TRAK1: variants seen among roughly 807,000 people sequenced by gnomAD.
The protein encoded by TRAK1 is trafficking kinesin protein 1, also known as trafficking kinesin-binding protein 1.
Under a neutral mutation model 92.1 loss-of-function variants are expected in TRAK1, and 33 were observed. That is an observed-to-expected ratio of 0.36 (90% CI 0.27 to 0.48). The LOEUF is 0.48. Among genes scored for constraint, TRAK1 ranks in the 20% least tolerant of loss-of-function variants. The probability of loss-of-function intolerance (pLI) is 0.99; values close to 1 mark genes in which losing one functional copy is unlikely to be tolerated. For missense variants in TRAK1, 1,123 were observed against 1,257.9 expected (o/e 0.89, Z 1.62); for synonymous variants, 521 against 517.3 (o/e 1.01, Z -0.10).
chr3:42,091,479 G>C lies in TRAK1; in HGVS notation c.10G>C (p.Val4Leu). Residue 4 changes from valine (V) to leucine (L), a missense_variant, in exon 1 of 16, where the codon GTT becomes CTT. Val to Leu is a conservative substitution (Grantham distance 32, BLOSUM62 1). Transcript: ENST00000327628. ...GAGTTTATGTCTGCACATGGCATTG[G>C]TTTTTCAATTCGGGCAGCCCGTCAG... MAL[V>L]FQFGQPVRAQ... 6.2e-7 allele frequency: 1 copy of C among 1,613,712 alleles called. No individual in the cohort carries two copies.
chr3:42,223,049 C>G lies in TRAK1; in HGVS notation c.2174C>G (p.Thr725Ser). Residue 725 changes from threonine (T) to serine (S), a missense_variant, in exon 16 of 16, where the codon ACT (threonine) becomes AGT (serine). Transcript: ENST00000327628. The surrounding 1 kb of genome is among the most constrained non-coding windows in gnomAD (Gnocchi z 6.1). ...PRRLSLAESFTNTRESTTTMS... is the reference protein window; with the variant it reads ...PRRLSLAESFSNTRESTTTMS... ...AGACTGAGCCTGGCTGAGTCCTTCA[C>G]TAACACCCGTGAGTCCACGACCACC... 6.2e-7 allele frequency: 1 copy of G among 1,614,134 alleles called. No homozygotes were observed. Among genetic ancestry groups the G allele is most frequent in the Non-Finnish European group, 8.5e-7 (1 of 1,180,028 alleles).
At chr3:42,050,994 A>G (rs1036956690) in intron 1 of TRAK1, among the ~76,000 whole-genome samples, 2 of 152,178 alleles carry the variant, frequency 1.3e-5, no homozygotes, top group Non-Finnish European at 2.9e-5. Flanking sequence ...TTTTATGTGC[A>G]GAAGAGCTCA....
intron 1 of TRAK1, among the ~76,000 whole-genome samples, chr3:42,121,574 G>A (rs1709881506): frequency 6.6e-6 from 1 of 151,922 alleles, no homozygotes; most frequent in Admixed American, 6.6e-5. Flanking sequence ...GGGAATTCTT[G>A]AAGACTCTTC....
chr3:42,177,855 G>T (rs1010925830), intron 3 of TRAK1, among the ~76,000 whole-genome samples: 2 of 152,104 alleles, frequency 1.3e-5, no homozygotes, highest in African/African-American at 2.4e-5. Flanking sequence ...ATCCTCTGAC[G>T]TGGGGAAGTC....
intron 1 of TRAK1, among the ~76,000 whole-genome samples, chr3:42,060,648 A>T (rs1703393733): frequency 7.9e-6 from 1 of 126,648 alleles, no homozygotes; most frequent in Non-Finnish European, 1.6e-5. Context: ...TTTTTTTGAG[A>T]CGGAGTTTTG....
chr3:42,210,403 TAAAAAAA>T (rs10717713), intron 14 of TRAK1: 12 of 1,078,200 alleles, frequency 1.1e-5, no homozygotes, highest in East Asian at 4.7e-5. Context: ...GAAAGGCTGC[TAAAAAAA>T]AAAAAAAAAA....
intron 14 of TRAK1, chr3:42,210,782 G>A (rs9311311): frequency 0.25 from 250,292 of 985,080 alleles, 32,765 homozygotes; most frequent in East Asian, 0.47. Flanking sequence ...TTCGGAGAAC[G>A]TCACTAAGCT....
chr3:42,114,769 A>T (rs530458113), intron 1 of TRAK1, among the ~76,000 whole-genome samples: 1 of 151,864 alleles, frequency 6.6e-6, no homozygotes, highest in Non-Finnish European at 1.5e-5. Context: ...CTGGAGTGCA[A>T]TCGTGCGATC....
chr3:42,143,308 C>CTT (rs369435084), intron 2 of TRAK1, among the ~76,000 whole-genome samples: 55,095 of 138,968 alleles, frequency 0.4, 11,042 homozygotes, highest in East Asian at 0.5. Context: ...TGTACCTCTT[C>CTT]TTTTTTTTTT....
intron 1 of TRAK1, among the ~76,000 whole-genome samples, chr3:42,077,460 TG>T (rs1704212129): frequency 6.6e-6 from 1 of 152,194 alleles, no homozygotes; most frequent in Non-Finnish European, 1.5e-5. Context: ...AGCTAATTTT[TG>T]TATTTTTAGC....
In TRAK1 at chr3:42,202,586, G is replaced by T. The variant is rs1183700633; in HGVS notation, c.1578G>T (p.Glu526Asp). 6.3e-7 allele frequency: 1 copy of T among 1,591,362 alleles called. No homozygotes were observed. Among genetic ancestry groups the T allele is most frequent in the Admixed American group, 1.7e-5 (1 of 59,262 alleles). Residue 526 changes from glutamate (E) to aspartate (D), a missense_variant, in exon 13 of 16, where the codon GAG becomes GAT. Physicochemically the swap from Glu to Asp is conservative, Grantham distance 45 (BLOSUM62 2). Around this residue, in one of 3 missense-constraint regions of TRAK1, gnomAD observed 686 missense variants for 747.6 expected, o/e 0.92. Coordinates refer to ENST00000327628, the MANE Select transcript of TRAK1 (RefSeq NM_001042646.3). This position sits in a 1 kb window ranked among gnomAD's most constrained non-coding sequence, Gnocchi z 6.1. ...FEEEQERKLQELAEKGELRSG... is the reference protein window; with the variant it reads ...FEEEQERKLQDLAEKGELRSG... The stretch of plus-strand genomic sequence containing the variant: ...AGGAGCAAGAGAGGAAGCTCCAGGA[G>T]CTGGCGGAGAAGGGCGAGCTGCGCA...
intron 2 of TRAK1, among the ~76,000 whole-genome samples, chr3:42,134,040 A>G (rs1039014523): frequency 2.6e-5 from 4 of 152,222 alleles, no homozygotes; most frequent in African/African-American, 7.2e-5. Context: ...GAACACACAC[A>G]TGACCATTTT....
intron 1 of TRAK1, among the ~76,000 whole-genome samples, chr3:42,056,688 C>T (rs541637646): frequency 9.2e-5 from 14 of 152,166 alleles, no homozygotes; most frequent in East Asian, 5.8e-4. Flanking sequence ...AAAATTTCCA[C>T]TTTTTAATAT....
In TRAK1 at chr3:42,209,941, C is replaced by T; in HGVS notation, c.1919C>T (p.Pro640Leu). 6.2e-7 allele frequency: 1 copy of T among 1,614,214 alleles called. No individual in the cohort carries two copies. The change falls in exon 14 of 16, where the codon CCA (proline) becomes CTA (leucine). Residue 640 changes from proline (P) to leucine (L), a missense_variant. Pro to Leu is a moderately conservative substitution (Grantham distance 98). Coordinates refer to ENST00000327628, the MANE Select transcript of TRAK1 (RefSeq NM_001042646.3). ...EDDTGDHISL[P>L]RLATSTPVQH... ...GACACAGGTGACCACATTTCTCTCCCACGCCTAGCTACCTCCACTCCAGTT... is the reference window on the plus strand; with the variant it reads ...GACACAGGTGACCACATTTCTCTCCTACGCCTAGCTACCTCCACTCCAGTT...
In TRAK1 at chr3:42,193,806, ATC is replaced by A. The variant is rs1471999784; in HGVS notation, c.901-16_901-15del. ...TACCAAGTATCTTAGGAAGTGATCT[ATC>A]TTTGCCATGCTTTAGTGCGCAGTGG... is the stretch of plus-strand genomic sequence containing the variant. On this transcript the variant is annotated splice_polypyrimidine_tract_variant and intron_variant, in intron 8 of 15. Transcript: ENST00000327628. The A allele has an allele frequency of 1.9e-6, 3 of 1,613,176 alleles. No homozygotes were observed. The highest frequency in any genetic ancestry group is 1.3e-5 in the African/African-American group (1 of 74,854).
intron 4 of TRAK1, among the ~76,000 whole-genome samples, chr3:42,186,037 C>A (rs1185951562): frequency 7.6e-6 from 1 of 131,338 alleles, no homozygotes; most frequent in African/African-American, 3.0e-5. Context: ...GGCTAGAGTG[C>A]AGTCGTGAGA....
At chr3:42,024,481 A>G (rs1701843866) in intron 1 of TRAK1, among the ~76,000 whole-genome samples, 1 of 152,226 alleles carries the variant, frequency 6.6e-6, no homozygotes, top group African/African-American at 2.4e-5. Flanking sequence ...TTGAAGTTTT[A>G]TAATTTTGCA....
At chr3:42,068,576 C>T (rs1036445995) in intron 1 of TRAK1, among the ~76,000 whole-genome samples, 1 of 152,194 alleles carries the variant, frequency 6.6e-6, no homozygotes, top group Admixed American at 6.5e-5. Flanking sequence ...GTGTTCCAGG[C>T]ACTGAGGACA....
At chr3:42,102,657 A>G (rs372704127) in intron 1 of TRAK1, among the ~76,000 whole-genome samples, 2 of 152,254 alleles carry the variant, frequency 1.3e-5, no homozygotes, top group Non-Finnish European at 1.5e-5. Flanking sequence ...CCCTATTTGT[A>G]TAAGGTGTGA....
Sources: allele counts gnomAD v4.1 joint callset (sites outside exome capture counted in the v4.1 genomes callset), GRCh38; gene constraint gnomAD v4.1.1; regional missense constraint gnomAD v4.1.1; non-coding constraint Gnocchi (gnomAD v3.1); transcripts MANE v1.5; gene names NCBI Gene and HGNC (gene_info 2026-07-23, HGNC 2026-07-21).